Variants in GALNT18 observed in about 807,000 individuals in gnomAD.
GALNT18 encodes the protein GalNAc-transferase 18.
In GALNT18, 44 loss-of-function variants were observed where a neutral mutation model predicts 69.5. The ratio of observed to expected loss-of-function variants is 0.63; its 90% CI spans 0.50 to 0.81. GALNT18 has a LOEUF of 0.81. Ranked by LOEUF, GALNT18 falls within the 40% of genes least tolerant of loss-of-function variation. The pLI is 0.00. For synonymous variants in GALNT18, 364 were observed against 318.2 expected (o/e 1.14, Z -1.53); for missense variants, 715 against 810.0 (o/e 0.88, Z 1.42).
intron 6 of GALNT18, among the ~76,000 whole-genome samples, chr11:11,343,701 C>A (rs1435060565): frequency 1.3e-5 from 2 of 152,192 alleles, no homozygotes; most frequent in Non-Finnish European, 2.9e-5. Flanking sequence ...GGTAATGATT[C>A]TTTTTGCCAC....
chr11:11,297,357 T>C (rs1849419149), intron 9 of GALNT18, among the ~76,000 whole-genome samples: 1 of 152,204 alleles, frequency 6.6e-6, no homozygotes, highest in African/African-American at 2.4e-5. Context: ...CAGGTACTAA[T>C]ATTATCCCTT....
rs1849738928 is a variant in GALNT18, at chr11:11,315,620, C to G, written c.1512+11466G>C. Among the ~76,000 whole-genome samples the G allele has an allele frequency of 1.3e-5, 2 of 152,222 alleles. No homozygotes were observed. The highest frequency in any genetic ancestry group is 4.8e-5 in the African/African-American group (2 of 41,448). ...ATAGTAACACCTACCATCACCATCA[C>G]ATGTGGGGCACCGGGTCAGGCATCA... On this transcript the variant is annotated intron_variant, in intron 9 of 10. Transcript: ENST00000227756. The surrounding 1 kb of genome is among the most constrained non-coding windows in gnomAD (Gnocchi z 5.6).
At chr11:11,412,139 G>A (rs1854746360) in intron 3 of GALNT18, among the ~76,000 whole-genome samples, 1 of 152,092 alleles carries the variant, frequency 6.6e-6, no homozygotes, top group Admixed American at 6.5e-5. Context: ...GGTATGTGGG[G>A]TGCCAAGGGA....
At chr11:11,363,936 A>G (rs1024170903) in intron 6 of GALNT18, among the ~76,000 whole-genome samples, 2 of 150,854 alleles carry the variant, frequency 1.3e-5, no homozygotes, top group Non-Finnish European at 2.9e-5. Context: ...CAGGCTCCCA[A>G]TGGACAAAGG....
intron 3 of GALNT18, among the ~76,000 whole-genome samples, chr11:11,417,823 G>A (rs1024096783): frequency 3.9e-5 from 6 of 152,234 alleles, no homozygotes; most frequent in African/African-American, 1.4e-4. Flanking sequence ...ATTCCCAGCT[G>A]TGTAACCTGC....
intron 1 of GALNT18, among the ~76,000 whole-genome samples, chr11:11,561,676 C>T (rs1024187393): frequency 5.3e-5 from 8 of 152,190 alleles, no homozygotes; most frequent in South Asian, 2.1e-4. Context: ...CTGTGCCCAG[C>T]GATCTTCCCC....
At chr11:11,365,019 AT>A (rs58109810) in intron 6 of GALNT18, among the ~76,000 whole-genome samples, 150,738 of 151,920 alleles carry the variant, frequency 0.99, 74,791 homozygotes, top group Middle Eastern at 1. Context: ...TTTTTCCTTA[AT>A]TTTTTTTTCA....
At chr11:11,528,103 G>A (rs7107470) in intron 1 of GALNT18, among the ~76,000 whole-genome samples, 63,853 of 152,094 alleles carry the variant, frequency 0.42, 14,393 homozygotes, top group East Asian at 0.77. Context: ...ACAGCAGAGA[G>A]TAGGTGACAT....
intron 2 of GALNT18, among the ~76,000 whole-genome samples, chr11:11,443,435 T>C (rs1328380470): frequency 6.6e-6 from 1 of 152,132 alleles, no homozygotes; most frequent in Non-Finnish European, 1.5e-5. Context: ...TCAATGAGTT[T>C]TGGCATGTGT....
intron 1 of GALNT18, among the ~76,000 whole-genome samples, chr11:11,615,765 C>T (rs1452775766): frequency 6.6e-6 from 1 of 152,084 alleles, no homozygotes; most frequent in Non-Finnish European, 1.5e-5. Context: ...GGAGGGAGCA[C>T]CTACAGGCAG....
intron 10 of GALNT18, among the ~76,000 whole-genome samples, chr11:11,271,828 C>CT (rs1291771069): frequency 6.6e-6 from 1 of 152,218 alleles, no homozygotes; most frequent in East Asian, 1.9e-4. Context: ...TTTCCCCATG[C>CT]TACTGAGGTT....
intron 4 of GALNT18, 107 bp downstream of exon 4, chr11:11,378,974 C>A: frequency 9.4e-7 from 1 of 1,065,972 alleles, no homozygotes; most frequent in Non-Finnish European, 1.3e-6. Context: ...CCCAGAATTA[C>A]CTCTTTTCCC....
intron 1 of GALNT18, among the ~76,000 whole-genome samples, chr11:11,503,744 A>G (rs920271143): frequency 1.3e-5 from 2 of 152,214 alleles, no homozygotes; most frequent in Non-Finnish European, 2.9e-5. Flanking sequence ...TTCCAACTGT[A>G]TATTCAGGCA....
Position 11,459,758 on chromosome 11 carries a change from A to G in GALNT18, c.236-10822T>C, listed in dbSNP as rs80147197. Among the ~76,000 whole-genome samples the G allele has an allele frequency of 7.2e-5, 11 of 152,352 alleles. No individual in the cohort carries two copies. In the East Asian group the frequency reaches 2.1e-3, roughly 29 times the overall value. On this transcript the variant is annotated intron_variant, in intron 1 of 10. Transcript: ENST00000227756. This position sits in a 1 kb window ranked among gnomAD's most constrained non-coding sequence, Gnocchi z 5.0. ...AACCATCAGATAGGTGGTAAAGTGTATTAATAGTTTCCTATGGTGCTCTAG... is the reference window on the plus strand; with the variant it reads ...AACCATCAGATAGGTGGTAAAGTGTGTTAATAGTTTCCTATGGTGCTCTAG...
At chr11:11,288,278 C>A (rs568191161) in intron 10 of GALNT18, among the ~76,000 whole-genome samples, 88 of 152,332 alleles carry the variant, frequency 5.8e-4, no homozygotes, top group African/African-American at 2.1e-3. Flanking sequence ...CTGCACACAA[C>A]AGACAATGGA....
chr11:11,555,866 T>G lies in GALNT18; in HGVS notation c.235+65493A>C, dbSNP rs1858321217. Among the ~76,000 whole-genome samples the G allele has an allele frequency of 6.6e-6, 1 of 152,156 alleles. No individual in the cohort carries two copies. Among genetic ancestry groups the G allele is most frequent in the Non-Finnish European group, 1.5e-5 (1 of 68,022 alleles). ...AGACATGGAATCTTCTCCAAAGACCTCCAGCACATATCAGGAAAGAGGCTG... is the reference window on the plus strand; with the variant it reads ...AGACATGGAATCTTCTCCAAAGACCGCCAGCACATATCAGGAAAGAGGCTG... On this transcript the variant is annotated intron_variant, in intron 1 of 10. Transcript: ENST00000227756. The surrounding 1 kb of genome is among the most constrained non-coding windows in gnomAD (Gnocchi z 4.7).
chr11:11,425,929 G>A (rs983801661), intron 3 of GALNT18, among the ~76,000 whole-genome samples: 2 of 152,252 alleles, frequency 1.3e-5, no homozygotes, highest in Admixed American at 1.3e-4. Context: ...GTCTGTAGAG[G>A]TTGAATCATG....
intron 1 of GALNT18, among the ~76,000 whole-genome samples, chr11:11,492,886 T>C (rs1856801789): frequency 6.6e-6 from 1 of 150,716 alleles, no homozygotes. Flanking sequence ...GTTCTGCACA[T>C]GTATCCCAGA....
At chr11:11,291,355 G>A (rs147541915) in intron 10 of GALNT18, among the ~76,000 whole-genome samples, 1 of 152,180 alleles carries the variant, frequency 6.6e-6, no homozygotes, top group Non-Finnish European at 1.5e-5. Context: ...TGACCAACAT[G>A]AGCACCTTGG....
Sources: allele counts gnomAD v4.1 joint callset (sites outside exome capture counted in the v4.1 genomes callset), GRCh38; gene constraint gnomAD v4.1.1; non-coding constraint Gnocchi (gnomAD v3.1); transcripts MANE v1.5; gene names NCBI Gene and HGNC (gene_info 2026-07-23, HGNC 2026-07-21).